HOXB3: variants seen among roughly 807,000 people sequenced by gnomAD.
The protein encoded by HOXB3 is homeobox protein Hox-B3.
HOXB3 carries 17 observed loss-of-function variants against 29.2 expected under a neutral mutation model. That is an observed-to-expected ratio of 0.58 (90% CI 0.40 to 0.87). HOXB3 has a LOEUF of 0.87. Among genes scored for constraint, HOXB3 ranks in the 40% least tolerant of loss-of-function variants. The pLI is 0.00. For missense variants in HOXB3, 637 were observed against 616.3 expected (o/e 1.03, Z -0.35); for synonymous variants, 317 against 285.9 (o/e 1.11, Z -1.10).
Position 48,550,666 on chromosome 17 carries a change from G to A in HOXB3, c.964C>T (p.Pro322Ser), listed in dbSNP as rs747137585. 6.5e-7 allele frequency: 1 copy of A among 1,527,664 alleles called. No individual in the cohort carries two copies. Among genetic ancestry groups the A allele is most frequent in the Non-Finnish European group, 8.8e-7 (1 of 1,140,040 alleles). 94.6% of individuals were successfully genotyped at this position (1,527,664 alleles called of 1,614,324 possible). The part of the protein sequence containing the change: ...LKGCGAPQKY[P>S]PTPAPEYEPH... ...TCATACTCGGGCGCCGGGGTCGGAG[G>A]GTACTTCTGCGGGGCGCCGCAGCCT... The change falls in exon 5 of 5, where the codon CCT becomes TCT. Residue 322 changes from proline (P) to serine (S), a missense_variant. Transcript: ENST00000498678.
chr17:48,576,906 C>A (rs752710819), intron 1 of HOXB3: 1 of 1,614,244 alleles, frequency 6.2e-7, no homozygotes, highest in Non-Finnish European at 8.5e-7. Flanking sequence ...CTCCACCCTC[C>A]GGCGCCGTGT....
rs750633092 is a variant in HOXB3, at chr17:48,550,871, G to A, written c.759C>T (p.Ala253=). The A allele has an allele frequency of 5.6e-6, 9 of 1,613,810 alleles. No homozygotes were observed. The African/African-American group carries it at 9.4e-5, about 17-fold the overall frequency. Residue 253 remains alanine (A), a synonymous_variant, in exon 5 of 5, where the codon GCC becomes GCT. Transcript: ENST00000498678. ...CTGGAGATGGGCCCCCCGACGACGA[G>A]GCCAATCCCTTGGCCTTCTGGTCCT... ...YKKDQKAKGL[A]SSSGGPSPAG...
intron 1 of HOXB3, among the ~76,000 whole-genome samples, chr17:48,587,401 G>A (rs1387249130): frequency 6.6e-6 from 1 of 152,202 alleles, no homozygotes; most frequent in Non-Finnish European, 1.5e-5. Flanking sequence ...AAAGAGGGGA[G>A]CTCATTCTTG....
At chr17:48,581,824 A>G (rs957234588) in intron 1 of HOXB3, 7 of 152,196 alleles carry the variant, frequency 4.6e-5, no homozygotes, top group African/African-American at 1.7e-4. Context: ...CCACCTGCCA[A>G]TCCCACCAAG....
chr17:48,586,755 G>A (rs1004366988), intron 1 of HOXB3, among the ~76,000 whole-genome samples: 3 of 152,086 alleles, frequency 2.0e-5, no homozygotes, highest in South Asian at 2.1e-4. Context: ...TTGGAGGGAG[G>A]GATAGGAGAA....
intron 1 of HOXB3, among the ~76,000 whole-genome samples, chr17:48,577,396 G>A (rs1045739466): frequency 2.6e-5 from 4 of 152,186 alleles, no homozygotes; most frequent in Non-Finnish European, 4.4e-5. Flanking sequence ...TCCCACCCTT[G>A]CTGCTCAGAT....
intron 2 of HOXB3, among the ~76,000 whole-genome samples, chr17:48,558,385 C>T (rs528527802): frequency 2.1e-4 from 32 of 152,010 alleles, no homozygotes; most frequent in African/African-American, 7.0e-4. Flanking sequence ...AAAAGAGGAC[C>T]GAGAAGCAAG....
intron 2 of HOXB3, among the ~76,000 whole-genome samples, chr17:48,564,289 G>A (rs954678244): frequency 6.6e-6 from 1 of 151,720 alleles, no homozygotes; most frequent in African/African-American, 2.4e-5. Flanking sequence ...CGACTGCCAG[G>A]CCCCGGACCC....
rs776635512 is a variant in HOXB3 at position 48,578,217 on chromosome 17, G to A, written c.-424-4203C>T. On this transcript the variant is annotated intron_variant, in intron 1 of 4. Coordinates refer to ENST00000498678, the MANE Select transcript of HOXB3 (RefSeq NM_001384749.1). ...CTCTGGCCGCCGGCGTAGTACCCGGGCGAGTGGTCGCTGGGTAGGTAATCG... is the reference window on the plus strand; with the variant it reads ...CTCTGGCCGCCGGCGTAGTACCCGGACGAGTGGTCGCTGGGTAGGTAATCG... 4 of 1,613,822 alleles carry A rather than the reference G, an allele frequency of 2.5e-6. No individual in the cohort carries two copies. The highest frequency in any genetic ancestry group is 1.3e-5 in the African/African-American group (1 of 74,926).
At chr17:48,571,154 T>G (rs939688933) in intron 2 of HOXB3, among the ~76,000 whole-genome samples, 2 of 152,224 alleles carry the variant, frequency 1.3e-5, no homozygotes, top group African/African-American at 4.8e-5. Context: ...CCGAGCACTT[T>G]CTTGCTGCCG....
At chr17:48,567,789 G>A (rs1023829657) in intron 2 of HOXB3, among the ~76,000 whole-genome samples, 1 of 152,174 alleles carries the variant, frequency 6.6e-6, no homozygotes, top group Non-Finnish European at 1.5e-5. Context: ...CCCAAACACA[G>A]AGTCCCTCAC....
chr17:48,577,744 G>A (rs2069812170), intron 1 of HOXB3: 1 of 893,218 alleles, frequency 1.1e-6, no homozygotes, highest in South Asian at 4.9e-5. Context: ...CGGCAATGGC[G>A]AGTTTATAGC....
intron 1 of HOXB3, chr17:48,580,457 T>C (rs1456312071): frequency 6.6e-6 from 1 of 151,612 alleles, no homozygotes; most frequent in Non-Finnish European, 1.5e-5. Flanking sequence ...AAGAGGCGGC[T>C]GGGTGTGAAG....
In HOXB3 at chr17:48,554,837, A is replaced by G; in HGVS notation, c.-159+694T>C. 1 of 702,370 alleles carries G rather than the reference A, an allele frequency of 1.4e-6. No individual in the cohort carries two copies. Among genetic ancestry groups the G allele is most frequent in the Non-Finnish European group, 2.6e-6 (1 of 384,814 alleles). 43.5% of individuals were successfully genotyped at this position (702,370 alleles called of 1,614,324 possible). ...CAGGGCTCCGGGTTGGAGGGCGCCG[A>G]GGCCTGGCGGACGGGACAGTGGGAA... On this transcript the variant is annotated intron_variant, in intron 3 of 4. Coordinates refer to ENST00000498678, the MANE Select transcript of HOXB3 (RefSeq NM_001384749.1). The surrounding 1 kb of genome is among the most constrained non-coding windows in gnomAD (Gnocchi z 4.1).
At position 48,552,518 on chromosome 17, in the gene HOXB3, T is replaced by A. The variant is rs369448388; in HGVS notation, c.-44A>T. The stretch of plus-strand genomic sequence containing the variant: ...CAGTGGGTGGCAACTTGGAAAGGCC[T>A]GATACCCTCAGGACCGGACATTGGC... On this transcript the variant is annotated 5_prime_UTR_variant, in exon 4 of 5. Coordinates refer to ENST00000498678, the MANE Select transcript of HOXB3 (RefSeq NM_001384749.1). 1 of 1,486,776 alleles carries A rather than the reference T, an allele frequency of 6.7e-7. No homozygotes were observed. Among genetic ancestry groups the A allele is most frequent in the Admixed American group, 2.0e-5 (1 of 49,332 alleles). The allele number at this position is 1,486,776 out of a possible 1,614,324, so 92.1% of individuals were successfully genotyped here. A position where few individuals can be genotyped will look rare whatever the true frequency, so the allele number is the denominator to read the frequency against.
chr17:48,577,868 C>T (rs141788098), intron 1 of HOXB3: 1 of 1,398,572 alleles, frequency 7.2e-7, no homozygotes, highest in Admixed American at 2.9e-5. Context: ...CTCACCCGTG[C>T]TCACGTGAAC....
Position 48,554,859 on chromosome 17 carries a change from G to C in HOXB3, c.-159+672C>G, listed in dbSNP as rs1208139659. The C allele has an allele frequency of 1.4e-6, 1 of 702,234 alleles. No individual in the cohort carries two copies. The highest frequency in any genetic ancestry group is 2.0e-5 in the Admixed American group (1 of 50,006). The allele number at this position is 702,234 out of a possible 1,614,324, so 43.5% of individuals were successfully genotyped here. ...CCGAGGCCTGGCGGACGGGACAGTG[G>C]GAAGAGAGAAAGGTGCTAAGGGGAC... is the stretch of plus-strand genomic sequence containing the variant. On this transcript the variant is annotated intron_variant, in intron 3 of 4. Transcript: ENST00000498678. This position sits in a 1 kb window ranked among gnomAD's most constrained non-coding sequence, Gnocchi z 4.1.
chr17:48,577,877 A>G, intron 1 of HOXB3: 1 of 1,396,706 alleles, frequency 7.2e-7, no homozygotes, highest in Non-Finnish European at 9.3e-7. Flanking sequence ...GCTCACGTGA[A>G]CTTTGCGCAT....
chr17:48,567,278 C>T (rs2069420552), intron 2 of HOXB3, among the ~76,000 whole-genome samples: 1 of 152,228 alleles, frequency 6.6e-6, no homozygotes, highest in Non-Finnish European at 1.5e-5. Context: ...GCTGCCACTC[C>T]ACGTAGTGGA....
Sources: gnomAD v4.1 joint callset for allele counts (sites outside exome capture counted in the v4.1 genomes callset) on GRCh38, gnomAD v4.1.1 for gene constraint, Gnocchi (gnomAD v3.1) non-coding constraint, MANE v1.5 for transcripts, NCBI Gene and HGNC (gene_info 2026-07-23, HGNC 2026-07-21) for gene names.